Variants in FRG1 observed in about 807,000 individuals in gnomAD.
FRG1 encodes the protein protein FRG1.
Under a neutral mutation model 37.0 loss-of-function variants are expected in FRG1, and 19 were observed. That is an observed-to-expected ratio of 0.51 (90% CI 0.36 to 0.75). FRG1 has a LOEUF of 0.75. Ranked by LOEUF, FRG1 falls within the 30% of genes least tolerant of loss-of-function variation. FRG1 has a pLI of 0.00. For synonymous variants in FRG1, 73 were observed against 96.5 expected (o/e 0.76, Z 1.43); for missense variants, 243 against 301.4 (o/e 0.81, Z 1.44).
At chr4:189,950,671 C>T (rs1273767574) in intron 2 of FRG1, among the ~76,000 whole-genome samples, 4 of 152,230 alleles carry the variant, frequency 2.6e-5, no homozygotes, top group African/African-American at 4.8e-5. Flanking sequence ...ATCTTTAAAA[C>T]CTTTTTATTA....
intron 2 of FRG1, 104 bp from the exon 3 acceptor site, chr4:189,952,058 C>T (rs373131731): frequency 5.1e-6 from 4 of 778,962 alleles, no homozygotes; most frequent in Non-Finnish European, 8.1e-6. Context: ...TTATTTCTTA[C>T]AACTGCAAAA....
intron 2 of FRG1, among the ~76,000 whole-genome samples, chr4:189,949,572 T>A (rs1342471810): frequency 2.0e-5 from 3 of 152,230 alleles, no homozygotes; most frequent in African/African-American, 7.2e-5. Context: ...AAAACATTAA[T>A]GAGTTATTAT....
intron 2 of FRG1, among the ~76,000 whole-genome samples, chr4:189,948,805 C>T (rs992951361): frequency 7.9e-5 from 12 of 152,298 alleles, no homozygotes; most frequent in African/African-American, 2.2e-4. Flanking sequence ...ATCCTCTCAC[C>T]TCCGACTCCC....
chr4:189,954,595 CTTTTTTTT>C (rs1160474689), intron 4 of FRG1, among the ~76,000 whole-genome samples: 1 of 74,522 alleles, frequency 1.3e-5, no homozygotes, highest in Non-Finnish European at 3.2e-5. Flanking sequence ...TAGCTTTTTT[CTTTTTTTT>C]TTTTTTAAAG....
chr4:189,943,346 G>A lies in FRG1; in HGVS notation c.133+74G>A, dbSNP rs1331720084. On this transcript the variant is annotated intron_variant, in intron 2 of 8. Transcript: ENST00000226798. ...AGATCTCCTTGAAAGTGTTTTCCTA[G>A]TTAGAAATTTATGATGTATTCATAT... 9.2e-6 allele frequency: 14 copies of A among 1,515,054 alleles called. No homozygotes were observed. The South Asian group carries it at 1.1e-4, about 12-fold the overall frequency. 93.9% of individuals were successfully genotyped at this position (1,515,054 alleles called of 1,614,324 possible).
chr4:189,959,393 C>T (rs1737133978), intron 6 of FRG1, among the ~76,000 whole-genome samples: 1 of 152,122 alleles, frequency 6.6e-6, no homozygotes, highest in African/African-American at 2.4e-5. Flanking sequence ...TCCTTACATC[C>T]TCGTGGTTTT....
intron 7 of FRG1, chr4:189,961,409 C>CT (rs35503121): frequency 7.4e-4 from 111 of 149,406 alleles, no homozygotes; most frequent in South Asian, 2.1e-4. Context: ...ACAATTAGAC[C>CT]TTTTTTTTTC....
intron 5 of FRG1, among the ~76,000 whole-genome samples, chr4:189,956,849 A>T (rs1003992874): frequency 2.1e-4 from 32 of 152,332 alleles, no homozygotes; most frequent in African/African-American, 7.7e-4. Context: ...TCAGTCTTTA[A>T]AGTTTTAATA....
intron 1 of FRG1, among the ~76,000 whole-genome samples, chr4:189,942,704 C>T (rs1463494934): frequency 6.6e-6 from 1 of 152,024 alleles, no homozygotes; most frequent in Non-Finnish European, 1.5e-5. Flanking sequence ...GTTTTCATTT[C>T]CCTTGGGTAT....
At chr4:189,946,372 T>G (rs1358944239) in intron 2 of FRG1, among the ~76,000 whole-genome samples, 5 of 151,984 alleles carry the variant, frequency 3.3e-5, no homozygotes, top group African/African-American at 1.2e-4. Context: ...GAATTTGTGT[T>G]GGGCTGCATT....
In FRG1 at chr4:189,959,260, G is replaced by A. The variant is rs1046171385; in HGVS notation, c.538-1488G>A. Among the ~76,000 whole-genome samples, 7 of 152,296 alleles carry A rather than the reference G, an allele frequency of 4.6e-5. No homozygotes were observed. In the East Asian group the frequency reaches 9.6e-4, roughly 21 times the overall value. ...AAAATGTAGGTATTTTCTTACAGAA[G>A]GGAAATGTTATATTTTTTCATTGCA... On this transcript the variant is annotated intron_variant, in intron 6 of 8. Coordinates refer to ENST00000226798, the MANE Select transcript of FRG1 (RefSeq NM_004477.3).
intron 2 of FRG1, among the ~76,000 whole-genome samples, chr4:189,950,731 A>G (rs911133512): frequency 6.6e-6 from 1 of 152,136 alleles, no homozygotes; most frequent in Non-Finnish European, 1.5e-5. Context: ...TGAGTCCCCC[A>G]TGTGCCCAGG....
chr4:189,944,805 A>G (rs187724959), intron 2 of FRG1, among the ~76,000 whole-genome samples: 26 of 152,268 alleles, frequency 1.7e-4, no homozygotes, highest in African/African-American at 6.0e-4. Flanking sequence ...CTATAATTTC[A>G]TGAAGTCTTG....
chr4:189,955,673 T>C (rs1242493454), intron 5 of FRG1, among the ~76,000 whole-genome samples: 2 of 151,728 alleles, frequency 1.3e-5, no homozygotes, highest in African/African-American at 4.9e-5. Flanking sequence ...ATACTAATTC[T>C]TAATTTTAGT....
chr4:189,961,449 C>T (rs1254336660), intron 7 of FRG1: 3 of 160,658 alleles, frequency 1.9e-5, no homozygotes, highest in Non-Finnish European at 1.3e-5. Context: ...GCTCTCTCCC[C>T]CAGACTAGAG....
intron 1 of FRG1, among the ~76,000 whole-genome samples, chr4:189,942,596 A>G (rs1301421185): frequency 2.0e-5 from 3 of 152,188 alleles, no homozygotes; most frequent in Non-Finnish European, 2.9e-5. Flanking sequence ...TTGTTCATCC[A>G]TTCATCAACT....
chr4:189,941,478 T>C (rs1312525745), intron 1 of FRG1, among the ~76,000 whole-genome samples: 2 of 152,258 alleles, frequency 1.3e-5, no homozygotes, highest in African/African-American at 2.4e-5. Context: ...TAATCTAATA[T>C]GTACAGTGAA....
intron 2 of FRG1, among the ~76,000 whole-genome samples, chr4:189,943,713 A>G (rs1736413214): frequency 6.6e-6 from 1 of 152,230 alleles, no homozygotes; most frequent in African/African-American, 2.4e-5. Flanking sequence ...ATACAACATC[A>G]GGGTAGCCTG....
intron 5 of FRG1, among the ~76,000 whole-genome samples, chr4:189,957,111 C>G (rs1019196368): frequency 2.0e-5 from 3 of 152,136 alleles, no homozygotes; most frequent in African/African-American, 7.2e-5. Flanking sequence ...TCAGTTATGT[C>G]TTCAGTAGAT....
Sources: gnomAD v4.1 joint callset for allele counts (sites outside exome capture counted in the v4.1 genomes callset) on GRCh38, gnomAD v4.1.1 for gene constraint, MANE v1.5 for transcripts, NCBI Gene and HGNC (gene_info 2026-07-23, HGNC 2026-07-21) for gene names.